The following PRKG1 variants were observed in gnomAD, a reference collection of about 807,000 sequenced individuals.
The protein encoded by PRKG1 is protein kinase cGMP-dependent 1.
Under a neutral mutation model 88.1 loss-of-function variants are expected in PRKG1, and 35 were observed. That is an observed-to-expected ratio of 0.40 (90% confidence interval 0.30 to 0.53). The LOEUF (loss-of-function observed/expected upper bound fraction) is 0.53. Ranked by LOEUF, PRKG1 falls within the 20% of genes least tolerant of loss-of-function variation. The pLI is 0.59. For missense variants in PRKG1, 540 were observed against 839.8 expected (o/e 0.64, Z 4.41); for synonymous variants, 303 against 292.5 (o/e 1.04, Z -0.37).
intron 4 of PRKG1, among the ~76,000 whole-genome samples, chr10:51,815,311 C>G (rs1176044957): frequency 1.3e-5 from 2 of 152,152 alleles, no homozygotes; most frequent in Non-Finnish European, 2.9e-5. Context: ...GTTTTGTACA[C>G]AGAGGATTAG....
At chr10:51,989,593 T>A (rs1393594750) in intron 5 of PRKG1, among the ~76,000 whole-genome samples, 1 of 148,976 alleles carries the variant, frequency 6.7e-6, no homozygotes, top group Non-Finnish European at 1.5e-5. Flanking sequence ...CCAATGATGA[T>A]AAAAAAAAAA....
chr10:51,791,364 A>G (rs1365987562), intron 3 of PRKG1, among the ~76,000 whole-genome samples: 1 of 151,880 alleles, frequency 6.6e-6, no homozygotes, highest in Non-Finnish European at 1.5e-5. Context: ...AAATCTCTTA[A>G]CTCTTGACTT....
chr10:52,209,853 G>A (rs1208172932), intron 9 of PRKG1, among the ~76,000 whole-genome samples: 6 of 152,020 alleles, frequency 3.9e-5, no homozygotes, highest in African/African-American at 1.4e-4. Flanking sequence ...GAACCACCAC[G>A]TTAATTCCCA....
intron 3 of PRKG1, among the ~76,000 whole-genome samples, chr10:51,511,677 C>T (rs548043458): frequency 1.3e-5 from 2 of 152,300 alleles, no homozygotes; most frequent in South Asian, 4.1e-4. Flanking sequence ...GAAAGACTGG[C>T]TCTACCAACT....
intron 2 of PRKG1, among the ~76,000 whole-genome samples, chr10:51,387,552 G>A (rs1042548392): frequency 3.3e-5 from 5 of 151,918 alleles, no homozygotes; most frequent in Middle Eastern, 3.2e-3. Flanking sequence ...CCAACCCAAT[G>A]ATGAACCCTT....
At chr10:51,410,682 A>G (rs1838059686) in intron 2 of PRKG1, among the ~76,000 whole-genome samples, 1 of 152,146 alleles carries the variant, frequency 6.6e-6, no homozygotes, top group Non-Finnish European at 1.5e-5. Flanking sequence ...CCCTCATTGC[A>G]GATAGTAAAA....
At chr10:51,568,376 A>C (rs1837661348) in intron 3 of PRKG1, 1 of 151,952 alleles carries the variant, frequency 6.6e-6, no homozygotes, top group Non-Finnish European at 1.5e-5. Flanking sequence ...AAATAATTTG[A>C]ATCCATTTTT....
At chr10:51,293,010 C>T (rs1025159109) in intron 2 of PRKG1, among the ~76,000 whole-genome samples, 1 of 152,080 alleles carries the variant, frequency 6.6e-6, no homozygotes, top group Non-Finnish European at 1.5e-5. Context: ...CTCACAGTAT[C>T]TTGGTTGGTT....
chr10:52,080,382 A>G (rs1846740989), intron 7 of PRKG1, among the ~76,000 whole-genome samples: 1 of 152,172 alleles, frequency 6.6e-6, no homozygotes, highest in Non-Finnish European at 1.5e-5. Flanking sequence ...CCAACAAAAC[A>G]AATATGCCAG....
chr10:51,071,385 A>C (rs1843824401), upstream of PRKG1, among the ~76,000 whole-genome samples: 3 of 152,220 alleles, frequency 2.0e-5, no homozygotes, highest in African/African-American at 7.2e-5. Flanking sequence ...GAAATTATAA[A>C]GCATTTAAGG....
intron 2 of PRKG1, among the ~76,000 whole-genome samples, chr10:51,167,653 T>C (rs2132001154): frequency 6.6e-6 from 1 of 152,156 alleles, no homozygotes; most frequent in South Asian, 2.1e-4. Context: ...AAGATGGCAG[T>C]GTGGGAGATG....
intron 5 of PRKG1, among the ~76,000 whole-genome samples, chr10:52,022,555 A>C (rs1398838386): frequency 6.6e-6 from 1 of 152,272 alleles, no homozygotes; most frequent in African/African-American, 2.4e-5. Flanking sequence ...TTCTTTAAGT[A>C]TTTCAAGTGT....
At chr10:51,931,236 C>T (rs371889965) in intron 5 of PRKG1, among the ~76,000 whole-genome samples, 2 of 152,204 alleles carry the variant, frequency 1.3e-5, no homozygotes, top group African/African-American at 2.4e-5. Context: ...TTTTGTTACT[C>T]GAAAATTAAT....
intron 2 of PRKG1, among the ~76,000 whole-genome samples, chr10:51,292,837 A>G (rs1242375197): frequency 2.0e-5 from 3 of 152,022 alleles, no homozygotes; most frequent in Admixed American, 1.3e-4. Context: ...TTTTGTACCA[A>G]ACTCCTCTGA....
intron 3 of PRKG1, among the ~76,000 whole-genome samples, chr10:51,736,475 A>G (rs1837283481): frequency 6.6e-6 from 1 of 152,212 alleles, no homozygotes; most frequent in Non-Finnish European, 1.5e-5. Context: ...TTTCAAACAT[A>G]TAGCAAAGTT....
intron 7 of PRKG1, among the ~76,000 whole-genome samples, chr10:52,108,791 T>C (rs902674385): frequency 2.0e-5 from 3 of 151,862 alleles, no homozygotes; most frequent in Admixed American, 6.6e-5. Context: ...GTGTCAAAAG[T>C]AGAATTTTTA....
intron 4 of PRKG1, among the ~76,000 whole-genome samples, chr10:51,852,033 C>T (rs1840567804): frequency 6.6e-6 from 1 of 151,616 alleles, no homozygotes. Flanking sequence ...TCGGCAGGCT[C>T]TTTATTATTT....
chr10:51,030,194 T>C (rs1195562570), intron 1 of PRKG1, among the ~76,000 whole-genome samples: 4 of 151,768 alleles, frequency 2.6e-5, no homozygotes, highest in Admixed American at 6.6e-5. Flanking sequence ...CCAATGACTA[T>C]ATTTACTGTT....
At chr10:51,730,211 A>G (rs368093082) in intron 3 of PRKG1, among the ~76,000 whole-genome samples, 12 of 152,300 alleles carry the variant, frequency 7.9e-5, no homozygotes, top group Middle Eastern at 3.4e-3. Flanking sequence ...ATGTGCCCTC[A>G]GGCGAGGGCA....
Sources: gnomAD v4.1 joint callset for allele counts (sites outside exome capture counted in the v4.1 genomes callset) on GRCh38, gnomAD v4.1.1 for gene constraint, MANE v1.5 for transcripts, NCBI Gene and HGNC (gene_info 2026-07-23, HGNC 2026-07-21) for gene names.